Variants in LSAMP observed in about 807,000 individuals in gnomAD.
LSAMP encodes the protein limbic system associated membrane protein, also known as limbic system-associated membrane protein.
A neutral mutation model predicts 38.6 loss-of-function variants in LSAMP; 7 were observed. That is an observed-to-expected ratio of 0.18 (90% CI 0.10 to 0.34). LSAMP has a LOEUF of 0.34. Ranked by LOEUF, LSAMP falls within the 10% of genes least tolerant of loss-of-function variation. The pLI is 1.00. For synonymous variants in LSAMP, 154 were observed against 166.8 expected (o/e 0.92, Z 0.59); for missense variants, 313 against 420.0 (o/e 0.75, Z 2.23).
intron 1 of LSAMP, among the ~76,000 whole-genome samples, chr3:116,417,669 T>C (rs2049069340): frequency 6.6e-6 from 1 of 152,186 alleles, no homozygotes; most frequent in South Asian, 2.1e-4. Flanking sequence ...GAGTTTGGCT[T>C]ACATCTTGGC....
At chr3:116,180,384 T>C (rs1465719300) in intron 1 of LSAMP, among the ~76,000 whole-genome samples, 1 of 152,152 alleles carries the variant, frequency 6.6e-6, no homozygotes, top group East Asian at 1.9e-4. Flanking sequence ...GATTTTTTTT[T>C]TTTTATCATT....
chr3:116,031,750 G>T (rs1940930692), intron 2 of LSAMP, among the ~76,000 whole-genome samples: 1 of 151,322 alleles, frequency 6.6e-6, no homozygotes. Flanking sequence ...TTTAGACCAA[G>T]AATATGATTC....
intron 1 of LSAMP, among the ~76,000 whole-genome samples, chr3:116,151,603 T>C (rs896596357): frequency 5.3e-5 from 8 of 152,034 alleles, no homozygotes; most frequent in Non-Finnish European, 1.2e-4. Context: ...TCGCTAAGAA[T>C]TGGAGGTAGG....
At chr3:116,124,975 G>A (rs150822902) in intron 1 of LSAMP, among the ~76,000 whole-genome samples, 173 of 152,232 alleles carry the variant, frequency 1.1e-3, no homozygotes, top group African/African-American at 4.0e-3. Flanking sequence ...GAAGAATGTC[G>A]AGATCTTGGG....
chr3:115,935,645 A>G (rs1024048492), intron 3 of LSAMP, among the ~76,000 whole-genome samples: 6 of 152,184 alleles, frequency 3.9e-5, no homozygotes, highest in Non-Finnish European at 1.5e-5. Flanking sequence ...GGTTTGAGAT[A>G]TACCTCTGCA....
chr3:115,861,258 T>G (rs565739209), intron 3 of LSAMP, among the ~76,000 whole-genome samples: 1 of 150,938 alleles, frequency 6.6e-6, no homozygotes, highest in Non-Finnish European at 1.5e-5. Context: ...AAGCATAAAA[T>G]CGTATGAAAA....
At position 116,178,510 on chromosome 3, in the gene LSAMP, A is replaced by G. The variant is rs2107565239; in HGVS notation, c.156-91954T>C. On this transcript the variant is annotated intron_variant, in intron 1 of 6. Transcript: ENST00000490035. ...AAGCAAGTACATCAGTTAGGAGGCA[A>G]TGATAAATCTAAGCCTTAGTACCTA... 2.0e-5 allele frequency among the ~76,000 whole-genome samples: 3 copies of G among 152,328 alleles called. 1 individual carries two copies. The South Asian group carries it at 6.2e-4, about 32-fold the overall frequency.
At chr3:116,203,010 A>T (rs1178645235) in intron 1 of LSAMP, among the ~76,000 whole-genome samples, 1 of 152,208 alleles carries the variant, frequency 6.6e-6, no homozygotes, top group Non-Finnish European at 1.5e-5. Context: ...CACATTTTAA[A>T]ACTATTTTAG....
chr3:116,371,199 A>G (rs968333569), intron 1 of LSAMP, among the ~76,000 whole-genome samples: 4 of 152,274 alleles, frequency 2.6e-5, no homozygotes, highest in Admixed American at 2.6e-4. Flanking sequence ...TTACTTATTC[A>G]TGAAGCTAGC....
chr3:115,943,810 A>G (rs1392543200), intron 3 of LSAMP, among the ~76,000 whole-genome samples: 2 of 152,160 alleles, frequency 1.3e-5, no homozygotes, highest in Admixed American at 1.3e-4. Flanking sequence ...AGTATCTCTT[A>G]GAGGATACTG....
At chr3:116,156,371 T>A (rs952090900) in intron 1 of LSAMP, among the ~76,000 whole-genome samples, 1 of 152,104 alleles carries the variant, frequency 6.6e-6, no homozygotes, top group African/African-American at 2.4e-5. Flanking sequence ...GAGGAAGGAA[T>A]GCTATTTATT....
At chr3:115,857,188 G>A (rs1049430060) in intron 3 of LSAMP, among the ~76,000 whole-genome samples, 4 of 152,202 alleles carry the variant, frequency 2.6e-5, no homozygotes, top group Non-Finnish European at 5.9e-5. Context: ...CTTAGCAAGT[G>A]CCGTTTCTTG....
At chr3:116,279,751 T>A (rs1338156770) in intron 1 of LSAMP, among the ~76,000 whole-genome samples, 3 of 152,224 alleles carry the variant, frequency 2.0e-5, no homozygotes, top group Non-Finnish European at 4.4e-5. Context: ...TGTTTTCATA[T>A]ACAACATAAA....
chr3:116,185,566 G>A (rs933481360), intron 1 of LSAMP, among the ~76,000 whole-genome samples: 4 of 151,966 alleles, frequency 2.6e-5, no homozygotes, highest in African/African-American at 4.8e-5. Context: ...TGTACAAGAT[G>A]TCCCTTATGT....
chr3:116,374,575 C>T (rs985929903), intron 1 of LSAMP, among the ~76,000 whole-genome samples: 4 of 151,886 alleles, frequency 2.6e-5, no homozygotes, highest in Admixed American at 6.6e-5. Flanking sequence ...TTAATCTGCA[C>T]TTTACCTACT....
chr3:116,070,065 A>G (rs1443440645), intron 2 of LSAMP, among the ~76,000 whole-genome samples: 1 of 152,204 alleles, frequency 6.6e-6, no homozygotes, highest in Non-Finnish European at 1.5e-5. Flanking sequence ...GGAACATGAG[A>G]ATATTGCATT....
chr3:116,081,656 C>T (rs1707875518), intron 2 of LSAMP, among the ~76,000 whole-genome samples: 1 of 152,036 alleles, frequency 6.6e-6, no homozygotes, highest in African/African-American at 2.4e-5. Context: ...GTCCCACTCT[C>T]ATATTTTTTC....
At chr3:116,128,118 G>T (rs899813504) in intron 1 of LSAMP, among the ~76,000 whole-genome samples, 1 of 152,054 alleles carries the variant, frequency 6.6e-6, no homozygotes, top group East Asian at 1.9e-4. Context: ...TAACACTTAT[G>T]GAATAGTTTC....
intron 6 of LSAMP, among the ~76,000 whole-genome samples, chr3:115,813,950 A>T (rs568254990): frequency 6.2e-4 from 94 of 152,352 alleles, no homozygotes; most frequent in Non-Finnish European, 1.1e-3. Context: ...TTAAGAATAG[A>T]TGGGCAAATA....
Sources: allele counts gnomAD v4.1 joint callset (sites outside exome capture counted in the v4.1 genomes callset), GRCh38; gene constraint gnomAD v4.1.1; transcripts MANE v1.5; gene names NCBI Gene and HGNC (gene_info 2026-07-23, HGNC 2026-07-21).